The following ROBO2 variants were observed in gnomAD, a reference collection of about 807,000 sequenced individuals.
ROBO2 encodes roundabout homolog 2.
In ROBO2, 53 loss-of-function variants were observed where a neutral mutation model predicts 160.8. The observed-to-expected ratio is 0.33, with a 90% CI of 0.26 to 0.41. ROBO2 has a LOEUF of 0.41. ROBO2 is among the 10% of genes least tolerant of loss of function. ROBO2 has a pLI of 1.00. For missense variants in ROBO2, 1,577 were observed against 1,722.4 expected, an observed-to-expected ratio of 0.92 and a Z score of 1.49; for synonymous variants, 664 against 611.7, an observed-to-expected ratio of 1.09 and a Z score of -1.26.
At chr3:77,493,846 A>G (rs1436629125) in intron 5 of ROBO2, among the ~76,000 whole-genome samples, 1 of 152,184 alleles carries the variant, frequency 6.6e-6, no homozygotes, top group Admixed American at 6.5e-5. Context: ...AGGTCAGCAT[A>G]ACACTGAAAT....
intron 2 of ROBO2, among the ~76,000 whole-genome samples, chr3:76,391,141 C>T (rs908695065): frequency 6.6e-5 from 10 of 151,918 alleles, no homozygotes; most frequent in Admixed American, 3.3e-4. Flanking sequence ...TATTTTGCAT[C>T]TTGACTTAAT....
At chr3:76,407,394 A>T (rs1259061997) in intron 2 of ROBO2, among the ~76,000 whole-genome samples, 1 of 152,008 alleles carries the variant, frequency 6.6e-6, no homozygotes, top group Non-Finnish European at 1.5e-5. Context: ...AGGAATGGGA[A>T]CTGTCACTGT....
At position 76,913,311 on chromosome 3, in the gene ROBO2, G is replaced by A. The variant is rs926624283; in HGVS notation, c.110-184703G>A. ...GTGTTGAAGATCGTCATTACGGAGGGAGTCACGCTCTCCCTACTCGTGAAA... is the reference window on the plus strand; with the variant it reads ...GTGTTGAAGATCGTCATTACGGAGGAAGTCACGCTCTCCCTACTCGTGAAA... On this transcript the variant is annotated intron_variant, in intron 2 of 26. Coordinates refer to the ROBO2 transcript ENST00000487694. Among the ~76,000 whole-genome samples the A allele has an allele frequency of 4.6e-5, 7 of 152,186 alleles. No homozygotes were observed. In the East Asian group the frequency reaches 7.8e-4, roughly 17 times the overall value.
intron 1 of ROBO2, among the ~76,000 whole-genome samples, chr3:77,095,675 C>CCAGACCTT: frequency 6.6e-6 from 1 of 152,198 alleles, no homozygotes; most frequent in Admixed American, 6.5e-5. Context: ...AGATCAGAGT[C>CCAGACCTT]TACAGCTATG....
intron 2 of ROBO2, among the ~76,000 whole-genome samples, chr3:76,266,672 A>G (rs954443738): frequency 2.6e-5 from 4 of 152,120 alleles, no homozygotes; most frequent in Admixed American, 6.6e-5. Context: ...CAAAAAGGCT[A>G]AGTGATTTGT....
rs371953931 is a variant in ROBO2, at chr3:76,624,064, TA to T, written c.110-473941del. 3.2e-3 allele frequency among the ~76,000 whole-genome samples: 478 copies of T among 150,470 alleles called. 4 individuals are homozygous for T. The highest frequency in any genetic ancestry group is 0.011 in the African/African-American group (456 of 41,116). ...AGAATACTCTCTTTCCTTTCTCCAT[TA>T]AAAAAAAAGCGATTATGTTCTCACC... On this transcript the variant is annotated intron_variant, in intron 2 of 26. Transcript: ENST00000487694.
chr3:76,373,405 A>G (rs556845275), intron 2 of ROBO2, among the ~76,000 whole-genome samples: 10 of 151,968 alleles, frequency 6.6e-5, no homozygotes, highest in Non-Finnish European at 1.5e-4. Flanking sequence ...GACTTTATAG[A>G]AGTCTGTAAA....
chr3:76,294,847 G>A (rs548506419), intron 2 of ROBO2, among the ~76,000 whole-genome samples: 1 of 152,294 alleles, frequency 6.6e-6, no homozygotes, highest in African/African-American at 2.4e-5. Flanking sequence ...ACTTCAATGA[G>A]GGATAACATA....
chr3:77,046,994 AC>A (rs2064739666), intron 1 of ROBO2, among the ~76,000 whole-genome samples: 1 of 152,136 alleles, frequency 6.6e-6, no homozygotes, highest in African/African-American at 2.4e-5. Context: ...AGTCTTGAGA[AC>A]TCAGAGAAGG....
At chr3:76,443,748 C>G (rs1029451029) in intron 2 of ROBO2, among the ~76,000 whole-genome samples, 3 of 152,114 alleles carry the variant, frequency 2.0e-5, no homozygotes, top group Non-Finnish European at 4.4e-5. Flanking sequence ...CTACACTAGA[C>G]TGACTTAATC....
intron 2 of ROBO2, among the ~76,000 whole-genome samples, chr3:76,397,694 C>G (rs1345337109): frequency 6.6e-6 from 1 of 152,138 alleles, no homozygotes; most frequent in Non-Finnish European, 1.5e-5. Context: ...CAAAAGAAGA[C>G]ATTTATGTAG....
At chr3:76,679,434 T>C (rs1202940360) in intron 2 of ROBO2, among the ~76,000 whole-genome samples, 3 of 152,116 alleles carry the variant, frequency 2.0e-5, no homozygotes, top group Non-Finnish European at 4.4e-5. Context: ...TATACTAAAA[T>C]TGTAAGCTGC....
chr3:76,055,496 C>A (rs1026471931), intron 2 of ROBO2, among the ~76,000 whole-genome samples: 2 of 152,112 alleles, frequency 1.3e-5, no homozygotes, highest in Non-Finnish European at 2.9e-5. Context: ...ATTCCCCTGT[C>A]GCCCTCCCCC....
intron 2 of ROBO2, among the ~76,000 whole-genome samples, chr3:77,176,292 A>G (rs1370178514): frequency 2.6e-5 from 4 of 152,052 alleles, no homozygotes; most frequent in African/African-American, 9.7e-5. Context: ...ACCTTTAACA[A>G]TGATAAATGT....
chr3:77,183,043 C>T (rs551010377), intron 2 of ROBO2, among the ~76,000 whole-genome samples: 31 of 152,048 alleles, frequency 2.0e-4, no homozygotes, highest in Admixed American at 4.6e-4. Context: ...ATAATCTACC[C>T]GGTCAGGCTC....
chr3:76,106,605 C>G (rs891991786), intron 2 of ROBO2, among the ~76,000 whole-genome samples: 3 of 151,920 alleles, frequency 2.0e-5, no homozygotes, highest in African/African-American at 7.3e-5. Context: ...CTTCCATGGC[C>G]TCAAATAATA....
intron 2 of ROBO2, among the ~76,000 whole-genome samples, chr3:76,428,442 T>G (rs2108993866): frequency 6.6e-6 from 1 of 152,316 alleles, no homozygotes; most frequent in East Asian, 1.9e-4. Context: ...TTGAGAATTT[T>G]TAAAGATCAT....
chr3:76,506,325 A>G (rs543489472), intron 2 of ROBO2, among the ~76,000 whole-genome samples: 1 of 152,246 alleles, frequency 6.6e-6, no homozygotes, highest in Non-Finnish European at 1.5e-5. Context: ...TGTTTCCAAG[A>G]TTGCATTTTG....
chr3:75,985,572 T>C (rs1032139950), intron 2 of ROBO2, among the ~76,000 whole-genome samples: 2 of 151,596 alleles, frequency 1.3e-5, no homozygotes, highest in African/African-American at 4.8e-5. Flanking sequence ...CTGTAAGTGG[T>C]CTGTTGTTGA....
Sources: allele counts gnomAD v4.1 joint callset (sites outside exome capture counted in the v4.1 genomes callset), GRCh38; gene constraint gnomAD v4.1.1; transcripts MANE v1.5; gene names NCBI Gene and HGNC (gene_info 2026-07-23, HGNC 2026-07-21).